The following ARHGAP6 variants were observed in gnomAD, a reference collection of about 807,000 sequenced individuals.
The protein encoded by ARHGAP6 is Rho GTPase activating protein 6.
A neutral mutation model predicts 55.7 loss-of-function variants in ARHGAP6; 16 were observed. The ratio of observed to expected loss-of-function variants is 0.29; its 90% CI spans 0.19 to 0.44. The LOEUF is 0.44. Among genes scored for constraint, ARHGAP6 ranks in the 20% least tolerant of loss-of-function variants. The pLI is 1.00. For missense variants in ARHGAP6, 698 were observed against 808.9 expected (o/e 0.86, Z 1.66); for synonymous variants, 382 against 360.9 (o/e 1.06, Z -0.66).
intron 3 of ARHGAP6, among the ~76,000 whole-genome samples, chrX:11,191,820 C>T (rs940656138): frequency 9.0e-6 from 1 of 111,651 alleles, no homozygotes; most frequent in African/African-American, 3.3e-5. Flanking sequence ...TAACCCTGAT[C>T]GCCATTTCCT....
At chrX:11,299,068 C>A in intron 1 of ARHGAP6, 1 of 1,030,658 alleles carries the variant, frequency 9.7e-7, no homozygotes, top group Non-Finnish European at 1.3e-6. Flanking sequence ...AACCAAGGAT[C>A]TAGAGTTGTA....
intron 10 of ARHGAP6, among the ~76,000 whole-genome samples, chrX:11,153,224 C>A (rs886589962): frequency 9.0e-6 from 1 of 111,042 alleles, no homozygotes. Context: ...GATACCCATG[C>A]ATAGTAAAGT....
At chrX:11,504,058 G>A (rs202233144) in intron 1 of ARHGAP6, among the ~76,000 whole-genome samples, 3 of 110,070 alleles carry the variant, frequency 2.7e-5, no homozygotes, top group African/African-American at 1.0e-4. Flanking sequence ...ATTTTTTTTG[G>A]GGGGGGGCTA....
intron 1 of ARHGAP6, among the ~76,000 whole-genome samples, chrX:11,375,452 T>C (rs1327384451): frequency 8.9e-6 from 1 of 112,459 alleles, no homozygotes; most frequent in East Asian, 2.7e-4. Context: ...TCATCTATCC[T>C]AGGTAATTTA....
At chrX:11,358,110 G>C (rs2048955437) in intron 1 of ARHGAP6, among the ~76,000 whole-genome samples, 1 of 111,829 alleles carries the variant, frequency 8.9e-6, no homozygotes, top group African/African-American at 3.2e-5. Context: ...GCCTGTTCTG[G>C]ACATTTCATA....
intron 2 of ARHGAP6, among the ~76,000 whole-genome samples, chrX:11,242,903 A>G (rs1218805661): frequency 5.4e-5 from 6 of 111,770 alleles, no homozygotes; most frequent in Non-Finnish European, 9.4e-5. Context: ...GTACCTGAAA[A>G]GATGATGCAA....
Position 11,298,085 on chromosome X carries a change from T to C in ARHGAP6, c.589-43378A>G, listed in dbSNP as rs200884777. 1.5e-3 allele frequency: 1,868 copies of C among 1,209,040 alleles called. 3 individuals are homozygous for C. The highest frequency in any genetic ancestry group is 2.0e-3 in the Non-Finnish European group (1,817 of 894,418). On this transcript the variant is annotated intron_variant, in intron 1 of 12. Coordinates refer to ENST00000337414, the MANE Select transcript of ARHGAP6 (RefSeq NM_013427.3). Reference sequence around the variant, plus strand: ...AGGAAGCACCCAACAAATTTTTACCTTCTTCTTTCTTTTGTAGAACTCACA... The same window carrying C: ...AGGAAGCACCCAACAAATTTTTACCCTCTTCTTTCTTTTGTAGAACTCACA...
intron 1 of ARHGAP6, among the ~76,000 whole-genome samples, chrX:11,573,847 C>T (rs2051562130): frequency 1.8e-5 from 2 of 111,388 alleles, no homozygotes; most frequent in South Asian, 7.7e-4. Flanking sequence ...TTCTTCGTAT[C>T]CTCTTTTATT....
At chrX:11,561,026 A>G (rs2051379192) in intron 1 of ARHGAP6, among the ~76,000 whole-genome samples, 1 of 111,963 alleles carries the variant, frequency 8.9e-6, no homozygotes, top group African/African-American at 3.2e-5. Flanking sequence ...GTTTAATTGG[A>G]ACATAGCTAC....
intron 2 of ARHGAP6, among the ~76,000 whole-genome samples, chrX:11,244,045 A>G (rs138278512): frequency 2.1e-3 from 235 of 112,451 alleles, no homozygotes; most frequent in African/African-American, 7.2e-3. Context: ...TATAAGCACT[A>G]AAACATCTAA....
chrX:11,249,064 A>G (rs896432642), intron 2 of ARHGAP6, among the ~76,000 whole-genome samples: 1 of 112,257 alleles, frequency 8.9e-6, no homozygotes, highest in South Asian at 3.7e-4. Flanking sequence ...TGGTATATAT[A>G]TAAGTATGAT....
chrX:11,335,914 G>A, intron 1 of ARHGAP6: 1 of 150,029 alleles, frequency 6.7e-6, no homozygotes, highest in Non-Finnish European at 1.3e-5. Context: ...GGTCATGGTG[G>A]ACCTTGAGAG....
intron 1 of ARHGAP6, among the ~76,000 whole-genome samples, chrX:11,260,094 A>G (rs2047539185): frequency 9.0e-6 from 1 of 110,916 alleles, no homozygotes; most frequent in Non-Finnish European, 1.9e-5. Flanking sequence ...AGAGAGAAAG[A>G]TTTGAAAGAG....
In ARHGAP6 at chrX:11,410,178, C is replaced by A. The variant is rs142465580; in HGVS notation, c.589-155471G>T. 1.1e-3 allele frequency among the ~76,000 whole-genome samples: 125 copies of A among 112,032 alleles called. No homozygotes were observed. In the East Asian group the frequency reaches 0.031, roughly 28 times the overall value. ...CCATACAAAACATATACACAGAAGTCCATAGCAGCATTATTCATAAAAGCA... is the reference window on the plus strand; with the variant it reads ...CCATACAAAACATATACACAGAAGTACATAGCAGCATTATTCATAAAAGCA... On this transcript the variant is annotated intron_variant, in intron 1 of 12. Coordinates refer to ENST00000337414, the MANE Select transcript of ARHGAP6 (RefSeq NM_013427.3).
intron 1 of ARHGAP6, among the ~76,000 whole-genome samples, chrX:11,504,514 TATATAAATAA>T (rs2050713296): frequency 1.8e-5 from 2 of 112,206 alleles, no homozygotes; most frequent in Non-Finnish European, 3.8e-5. Context: ...GTCTCTTAAC[TATATAAATAA>T]ATATTGTAGA....
intron 9 of ARHGAP6, among the ~76,000 whole-genome samples, chrX:11,166,545 A>G (rs2046019696): frequency 8.9e-6 from 1 of 112,271 alleles, no homozygotes. Context: ...ATAGCGACAT[A>G]CAAGATTACA....
Position 11,294,118 on chromosome X carries a change from G to A in ARHGAP6, c.589-39411C>T, listed in dbSNP as rs767414187. Among the ~76,000 whole-genome samples, 199 of 112,187 alleles carry A rather than the reference G, an allele frequency of 1.8e-3. 2 individuals are homozygous for A. Among genetic ancestry groups the A allele is most frequent in the African/African-American group, 6.3e-3 (194 of 30,948 alleles). ...GAAAATGAAACCTCTTAGGGAGAAA[G>A]TATTCAAAATTCATTGAAGAATCAC... is the stretch of plus-strand genomic sequence containing the variant. On this transcript the variant is annotated intron_variant, in intron 1 of 12. Transcript: ENST00000337414.
chrX:11,232,440 G>A (rs758088030), intron 2 of ARHGAP6, among the ~76,000 whole-genome samples: 1 of 109,851 alleles, frequency 9.1e-6, no homozygotes, highest in South Asian at 4.0e-4. Flanking sequence ...GGCCAACATG[G>A]TGAAACCTCA....
intron 1 of ARHGAP6, among the ~76,000 whole-genome samples, chrX:11,609,499 C>T (rs191740153): frequency 7.2e-4 from 80 of 111,437 alleles, no homozygotes; most frequent in Non-Finnish European, 1.4e-3. Flanking sequence ...TTTCAGGTTG[C>T]CGCTATAAAC....
Sources: gnomAD v4.1 joint callset for allele counts (sites outside exome capture counted in the v4.1 genomes callset) on GRCh38, gnomAD v4.1.1 for gene constraint, MANE v1.5 for transcripts, NCBI Gene and HGNC (gene_info 2026-07-23, HGNC 2026-07-21) for gene names.